PEF1: variants seen among roughly 807,000 people sequenced by gnomAD.
PEF1 encodes peflin.
Under a neutral mutation model 32.0 loss-of-function variants are expected in PEF1, and 17 were observed. The ratio of observed to expected loss-of-function variants is 0.53; its 90% CI spans 0.36 to 0.80. PEF1 has a LOEUF of 0.80. PEF1 is among the 30% of genes least tolerant of loss of function. PEF1 has a pLI of 0.00. For synonymous variants in PEF1, 130 were observed against 139.8 expected (o/e 0.93, Z 0.50); for missense variants, 362 against 369.1 (o/e 0.98, Z 0.16).
At chr1:31,639,090 A>G (rs1640327839) in intron 1 of PEF1, among the ~76,000 whole-genome samples, 3 of 152,262 alleles carry the variant, frequency 2.0e-5, no homozygotes. Flanking sequence ...AGTGGCAGTG[A>G]TATTGGAAAT....
At chr1:31,644,382 G>T (rs1640491116) in intron 1 of PEF1, 2 of 1,013,022 alleles carry the variant, frequency 2.0e-6, no homozygotes, top group Non-Finnish European at 2.4e-6. Context: ...CAGCTCACTT[G>T]TGGCGCCTGC....
At chr1:31,632,982 T>C (rs967979397) in intron 3 of PEF1, among the ~76,000 whole-genome samples, 177 bp downstream of exon 3, 5 of 152,078 alleles carry the variant, frequency 3.3e-5, no homozygotes, top group Non-Finnish European at 7.4e-5. Flanking sequence ...TTAAGAAAGA[T>C]CTCAGGAAAA....
chr1:31,636,909 GCA>G (rs1280882374), intron 1 of PEF1, among the ~76,000 whole-genome samples: 1 of 152,116 alleles, frequency 6.6e-6, no homozygotes, highest in Admixed American at 6.6e-5. Context: ...TAAATGGCTA[GCA>G]CAGGACCCAG....
In PEF1 at chr1:31,630,743, C is replaced by T. The variant is rs763547860; in HGVS notation, c.725G>A (p.Arg242His). The change falls in exon 5 of 5, where the codon CGC becomes CAC. Residue 242 changes from arginine to histidine, a missense_variant. Coordinates refer to ENST00000373703, the MANE Select transcript of PEF1 (RefSeq NM_012392.4). ...RSANPAMQLDRFIQVCTQLQV... is the reference protein window; with the variant it reads ...RSANPAMQLDHFIQVCTQLQV... The stretch of plus-strand genomic sequence containing the variant: ...CAGCTGGGTGCACACCTGGATGAAG[C>T]GGTCAAGCTGCATGGCAGGATTGGC... 28 of 1,614,014 alleles carry T rather than the reference C, an allele frequency of 1.7e-5. No homozygotes were observed. In the Admixed American group the frequency reaches 3.2e-4, roughly 18 times the overall value.
In PEF1 at chr1:31,644,722, C is replaced by T. The variant is rs1290206105; in HGVS notation, c.24+119G>A. ...TTCGGTTCTCTACAGCGCAAGGCCT[C>T]GCTGAAGCGAACCCATCGTGGGAAG... On this transcript the variant is annotated intron_variant, in intron 1 of 4. Coordinates refer to ENST00000373703, the MANE Select transcript of PEF1 (RefSeq NM_012392.4). 5 of 1,574,646 alleles carry T rather than the reference C, an allele frequency of 3.2e-6. No homozygotes were observed. The African/African-American group carries it at 5.4e-5, about 17-fold the overall frequency.
At chr1:31,638,428 A>C (rs1640313443) in intron 1 of PEF1, among the ~76,000 whole-genome samples, 1 of 152,196 alleles carries the variant, frequency 6.6e-6, no homozygotes, top group South Asian at 2.1e-4. Flanking sequence ...ATGGAAAGGG[A>C]GTGGGAACTC....
chr1:31,633,773 T>C (rs1257153484), intron 2 of PEF1, among the ~76,000 whole-genome samples: 5 of 151,956 alleles, frequency 3.3e-5, no homozygotes, highest in Non-Finnish European at 7.4e-5. Context: ...TTGACCAACA[T>C]GGAGAAACCC....
At chr1:31,634,442 A>G (rs952099300) in intron 2 of PEF1, among the ~76,000 whole-genome samples, 3 of 152,338 alleles carry the variant, frequency 2.0e-5, no homozygotes, top group Admixed American at 2.0e-4. Flanking sequence ...AATTGTTGTG[A>G]TGATTAAATG....
intron 1 of PEF1, among the ~76,000 whole-genome samples, chr1:31,636,940 C>T (rs1001233361): frequency 6.6e-6 from 1 of 152,234 alleles, no homozygotes; most frequent in African/African-American, 2.4e-5. Context: ...AGCCCCAACA[C>T]ATCTGCAGAC....
intron 2 of PEF1, 173 bp downstream of exon 2, chr1:31,635,049 G>A (rs2148619565): frequency 1.2e-6 from 1 of 866,626 alleles, no homozygotes; most frequent in East Asian, 2.6e-5. Context: ...ATAAATGCTT[G>A]CAACAAAACT....
At chr1:31,635,116 G>A (rs2148619606) in intron 2 of PEF1, 106 bp downstream of exon 2, 2 of 1,355,396 alleles carry the variant, frequency 1.5e-6, no homozygotes, top group Non-Finnish European at 1.0e-6. Flanking sequence ...AAGATGCTAA[G>A]GTGCCAGAGA....
intron 1 of PEF1, among the ~76,000 whole-genome samples, chr1:31,639,955 A>G (rs1433738556): frequency 6.6e-6 from 1 of 152,218 alleles, no homozygotes; most frequent in African/African-American, 2.4e-5. Context: ...AATGAAAAAC[A>G]GCATCCCTGA....
chr1:31,638,847 C>T (rs190535901), intron 1 of PEF1, among the ~76,000 whole-genome samples: 9 of 152,328 alleles, frequency 5.9e-5, no homozygotes, highest in East Asian at 1.9e-4. Context: ...TCATTCAGCA[C>T]GCATTTTCAG....
At position 31,635,471 on chromosome 1, in the gene PEF1, A is replaced by G. The variant is rs1475753291; in HGVS notation, c.76T>C (p.Tyr26His). ...CCTCCACTATTGGGGGGTCCAGGGT[A>G]GTAGCTACCCGGAGGGGCTCCTGGT... ...QAPGAPPGSYYPGPPNSGGQY... is the reference protein window; with the variant it reads ...QAPGAPPGSYHPGPPNSGGQY... The change falls in exon 2 of 5, where the codon TAC (tyrosine) becomes CAC (histidine). Residue 26 changes from tyrosine (Y) to histidine (H), a missense_variant. Transcript: ENST00000373703. 6.4e-7 allele frequency: 1 copy of G among 1,552,160 alleles called. No individual in the cohort carries two copies. Among genetic ancestry groups the G allele is most frequent in the Non-Finnish European group, 8.7e-7 (1 of 1,147,776 alleles).
intron 2 of PEF1, chr1:31,634,947 A>T: frequency 1.8e-6 from 1 of 565,102 alleles, no homozygotes; most frequent in Non-Finnish European, 3.3e-6. Context: ...TGTATCCCTG[A>T]ATGAAAAAGA....
chr1:31,635,477 T>C lies in PEF1; in HGVS notation c.70A>G (p.Ser24Gly). ...AGQAPGAPPG[S>G]YYPGPPNSGG... ...CTATTGGGGGGTCCAGGGTAGTAGC[T>C]ACCCGGAGGGGCTCCTGGTGCTTGT... is the stretch of plus-strand genomic sequence containing the variant. The change falls in exon 2 of 5, where the codon AGC (serine) becomes GGC (glycine). Residue 24 changes from serine (S) to glycine (G), a missense_variant. Ser to Gly is a moderately conservative substitution (Grantham distance 56). Coordinates refer to ENST00000373703, the MANE Select transcript of PEF1 (RefSeq NM_012392.4). 6.5e-7 allele frequency: 1 copy of C among 1,536,948 alleles called. No individual in the cohort carries two copies. The highest frequency in any genetic ancestry group is 1.2e-5 in the South Asian group (1 of 80,426).
chr1:31,639,598 G>A (rs963007984), intron 1 of PEF1, among the ~76,000 whole-genome samples: 10 of 152,222 alleles, frequency 6.6e-5, no homozygotes, highest in African/African-American at 1.4e-4. Flanking sequence ...CAGCGGCGGT[G>A]TGGAGGATGA....
At chr1:31,632,735 G>A (rs1640145204) in intron 3 of PEF1, 97 bp from the exon 4 acceptor site, 2 of 1,416,770 alleles carry the variant, frequency 1.4e-6, no homozygotes, top group East Asian at 4.8e-5. Context: ...TCTCCAGGCT[G>A]GAGTAGGCGA....
intron 1 of PEF1, among the ~76,000 whole-genome samples, chr1:31,637,093 C>T (rs1197561183): frequency 6.6e-6 from 1 of 152,192 alleles, no homozygotes; most frequent in Middle Eastern, 3.2e-3. Context: ...TGTTTGATAG[C>T]TTGAAATAAT....
Sources: gnomAD v4.1 joint callset for allele counts (sites outside exome capture counted in the v4.1 genomes callset) on GRCh38, gnomAD v4.1.1 for gene constraint, MANE v1.5 for transcripts, NCBI Gene and HGNC (gene_info 2026-07-23, HGNC 2026-07-21) for gene names.